Variants in PHF14 observed in about 807,000 individuals in gnomAD.
PHF14 encodes the protein PHD finger protein 14.
PHF14 carries 55 observed loss-of-function variants against 117.9 expected under a neutral mutation model. That is an observed-to-expected ratio of 0.47 (90% confidence interval 0.38 to 0.58). PHF14 has a LOEUF of 0.58. PHF14 is among the 20% of genes least tolerant of loss of function. PHF14 has a pLI of 0.00. For synonymous variants in PHF14, 409 were observed against 368.6 expected, an observed-to-expected ratio of 1.11 and a Z score of -1.26; for missense variants, 978 against 1,122.2, an observed-to-expected ratio of 0.87 and a Z score of 1.84.
intron 17 of PHF14, among the ~76,000 whole-genome samples, chr7:11,139,057 GTAT>G (rs760102202): frequency 4.6e-5 from 7 of 152,098 alleles, no homozygotes; most frequent in Admixed American, 6.5e-5. Flanking sequence ...TCTGCAAATG[GTAT>G]TATTGTTGTT....
At chr7:11,102,133 T>C (rs903037286) in intron 16 of PHF14, among the ~76,000 whole-genome samples, 19 of 151,838 alleles carry the variant, frequency 1.3e-4, no homozygotes, top group African/African-American at 4.6e-4. Flanking sequence ...CAAATTGAAA[T>C]TTTTCAAAAT....
At chr7:11,065,183 TCTA>T (rs1785383006) in intron 16 of PHF14, among the ~76,000 whole-genome samples, 1 of 152,080 alleles carries the variant, frequency 6.6e-6, no homozygotes, top group African/African-American at 2.4e-5. Flanking sequence ...TTTTTTGCCA[TCTA>T]CTTTTAAAAT....
chr7:11,013,585 G>A (rs1293537879), intron 4 of PHF14, among the ~76,000 whole-genome samples, 162 bp from the exon 5 acceptor site: 1 of 152,122 alleles, frequency 6.6e-6, no homozygotes, highest in Non-Finnish European at 1.5e-5. Context: ...AGGTGAAAAA[G>A]TATATAAAAT....
At chr7:11,074,956 TA>T (rs1452498069) in intron 16 of PHF14, among the ~76,000 whole-genome samples, 2 of 150,640 alleles carry the variant, frequency 1.3e-5, no homozygotes, top group Admixed American at 6.6e-5. Flanking sequence ...TTTTTTTTTT[TA>T]GATGGAGTCT....
At chr7:10,981,882 G>A (rs544483198) in intron 2 of PHF14, among the ~76,000 whole-genome samples, 1 of 152,106 alleles carries the variant, frequency 6.6e-6, no homozygotes, top group Non-Finnish European at 1.5e-5. Flanking sequence ...ACTGGGTAAA[G>A]AGTAAAATAA....
intron 17 of PHF14, among the ~76,000 whole-genome samples, chr7:11,147,177 A>G (rs1171317603): frequency 6.6e-6 from 1 of 152,142 alleles, no homozygotes; most frequent in Non-Finnish European, 1.5e-5. Flanking sequence ...AAGCTGAGAA[A>G]CTAGGATACA....
intron 6 of PHF14, among the ~76,000 whole-genome samples, chr7:11,024,698 C>A (rs1262253579): frequency 6.6e-6 from 1 of 152,144 alleles, no homozygotes; most frequent in Non-Finnish European, 1.5e-5. Context: ...TATTTTAAGC[C>A]CCTTGTTGAG....
intron 5 of PHF14, among the ~76,000 whole-genome samples, chr7:11,020,657 G>T (rs10269690): frequency 0.015 from 2,334 of 152,148 alleles, 53 homozygotes; most frequent in African/African-American, 0.053. Flanking sequence ...GGGATTACAG[G>T]CATGAGCCAC....
chr7:10,982,484 A>C lies in PHF14; in HGVS notation c.225A>C (p.Lys75Asn). 1.9e-6 allele frequency: 3 copies of C among 1,581,228 alleles called. No homozygotes were observed. Among genetic ancestry groups the C allele is most frequent in the Non-Finnish European group, 1.7e-6 (2 of 1,155,290 alleles). Reference sequence around the variant, plus strand: ...AAGAAGAACTGAATGAAGATATTAAAGTAAAAGAAGAACAACTTAAAAATT... The same window carrying C: ...AAGAAGAACTGAATGAAGATATTAACGTAAAAGAAGAACAACTTAAAAATT... ...ILEEELNEDI[K>N]VKEEQLKNSA... Residue 75 changes from lysine (K) to asparagine (N), a missense_variant, in exon 3 of 18, where the codon AAA becomes AAC. Lys to Asn is a moderately conservative substitution (Grantham distance 94). Around this residue, in one of 7 missense-constraint regions of PHF14, gnomAD observed 414 missense variants for 376.4 expected, o/e 1.10. Transcript: ENST00000634607.
intron 16 of PHF14, chr7:11,110,546 G>A: frequency 1.0e-6 from 1 of 978,668 alleles, no homozygotes; most frequent in Non-Finnish European, 1.2e-6. Flanking sequence ...CTGAAACGAA[G>A]AATAGGTATG....
chr7:11,080,200 TC>T (rs1786037871), intron 16 of PHF14, among the ~76,000 whole-genome samples: 1 of 152,158 alleles, frequency 6.6e-6, no homozygotes, highest in South Asian at 2.1e-4. Context: ...CATTAGATTT[TC>T]AGTTTTAGCT....
chr7:11,093,224 G>A (rs1786711867), intron 16 of PHF14, among the ~76,000 whole-genome samples: 1 of 152,202 alleles, frequency 6.6e-6, no homozygotes, highest in Non-Finnish European at 1.5e-5. Flanking sequence ...CGTCATCCCA[G>A]AGTTTGTTCT....
intron 17 of PHF14, among the ~76,000 whole-genome samples, chr7:11,129,894 TCAGCAC>T (rs1788045092): frequency 6.6e-6 from 1 of 151,962 alleles, no homozygotes; most frequent in Non-Finnish European, 1.5e-5. Flanking sequence ...ATGATTGCTT[TCAGCAC>T]CAAGCAAAAA....
At chr7:11,046,453 T>C (rs913502591) in intron 13 of PHF14, among the ~76,000 whole-genome samples, 1 of 152,200 alleles carries the variant, frequency 6.6e-6, no homozygotes, top group African/African-American at 2.4e-5. Context: ...CTTTATTTTA[T>C]GATGAAAAGA....
intron 16 of PHF14, among the ~76,000 whole-genome samples, chr7:11,066,374 C>A (rs905983389): frequency 6.6e-5 from 10 of 152,194 alleles, no homozygotes; most frequent in African/African-American, 2.2e-4. Flanking sequence ...ATCCTCTCAC[C>A]TCAGCCTCCC....
chr7:11,003,185 C>T (rs375063509), intron 4 of PHF14, among the ~76,000 whole-genome samples: 108 of 152,288 alleles, frequency 7.1e-4, no homozygotes, highest in East Asian at 3.3e-3. Context: ...GTGGTCCGCC[C>T]GCCTTGGCCT....
rs1175877078 is a variant in PHF14 at position 11,134,967 on chromosome 7, C to T, written c.2772+23500C>T. Among the ~76,000 whole-genome samples the T allele has an allele frequency of 1.3e-5, 2 of 152,030 alleles. 1 individual carries two copies. Among genetic ancestry groups the T allele is most frequent in the South Asian group, 4.1e-4 (2 of 4,826 alleles). ...ACATAAACATGCTGATATCTTTGTC[C>T]TCTGGCAATGAAACCCACCTTTTTC... On this transcript the variant is annotated intron_variant, in intron 17 of 17. Transcript: ENST00000634607.
intron 16 of PHF14, chr7:11,063,547 C>A: frequency 2.1e-6 from 2 of 973,826 alleles, no homozygotes; most frequent in Non-Finnish European, 2.4e-6. Flanking sequence ...GCTGGTGATC[C>A]TTTTATTAAT....
At chr7:11,101,542 T>G (rs1787092898) in intron 16 of PHF14, among the ~76,000 whole-genome samples, 1 of 151,926 alleles carries the variant, frequency 6.6e-6, no homozygotes. Context: ...TGTTGATAAA[T>G]ACAACATGTC....
Sources: allele counts gnomAD v4.1 joint callset (sites outside exome capture counted in the v4.1 genomes callset), GRCh38; gene constraint gnomAD v4.1.1; regional missense constraint gnomAD v4.1.1; transcripts MANE v1.5; gene names NCBI Gene and HGNC (gene_info 2026-07-23, HGNC 2026-07-21).